The following AK9 variants were observed in gnomAD, a reference collection of about 807,000 sequenced individuals.
AK9 encodes adenylate kinase 9.
Under a neutral mutation model 239.6 loss-of-function variants are expected in AK9, and 191 were observed. That is an observed-to-expected ratio of 0.80 (90% CI 0.71 to 0.90). The LOEUF is 0.90. Ranked by LOEUF, AK9 falls within the 40% of genes least tolerant of loss-of-function variation. AK9 has a pLI of 0.00. For synonymous variants in AK9, 689 were observed against 721.0 expected, an observed-to-expected ratio of 0.96 and a Z score of 0.71; for missense variants, 1,995 against 2,214.7, an observed-to-expected ratio of 0.90 and a Z score of 1.99.
intron 29 of AK9, 111 bp downstream of exon 29, chr6:109,528,900 T>A (rs117403840): frequency 0.019 from 29,100 of 1,512,330 alleles, 784 homozygotes; most frequent in East Asian, 0.11. Context: ...GGTGGGAGGA[T>A]CCCTTGAGCC....
At chr6:109,646,854 C>G (rs1376243351) in intron 8 of AK9, among the ~76,000 whole-genome samples, 2 of 152,124 alleles carry the variant, frequency 1.3e-5, no homozygotes, top group African/African-American at 4.8e-5. Flanking sequence ...GTTGGGTTAC[C>G]CACAAAGAGA....
intron 33 of AK9, among the ~76,000 whole-genome samples, chr6:109,508,438 G>C (rs1778338554): frequency 6.6e-6 from 1 of 152,100 alleles, no homozygotes; most frequent in Admixed American, 6.5e-5. Context: ...TTCAATCTGG[G>C]TAAGTCCCGG....
At chr6:109,616,656 T>TA (rs1416182960) in intron 13 of AK9, among the ~76,000 whole-genome samples, 2 of 152,056 alleles carry the variant, frequency 1.3e-5, no homozygotes, top group African/African-American at 4.8e-5. Context: ...GGATTACAGG[T>TA]ATGAGCCACT....
intron 38 of AK9, among the ~76,000 whole-genome samples, chr6:109,496,809 G>T (rs986731366): frequency 6.6e-6 from 1 of 152,086 alleles, no homozygotes; most frequent in African/African-American, 2.4e-5. Flanking sequence ...CCAATCCATG[G>T]TCTACACTTT....
intron 17 of AK9, among the ~76,000 whole-genome samples, chr6:109,588,959 T>C (rs970583410): frequency 3.3e-5 from 5 of 152,226 alleles, no homozygotes; most frequent in Non-Finnish European, 7.3e-5. Context: ...ACCAGTACCA[T>C]GCTGTTTTGG....
At chr6:109,506,942 G>T (rs1359580268) in intron 33 of AK9, 142 bp from the exon 34 acceptor site, 4 of 1,301,668 alleles carry the variant, frequency 3.1e-6, no homozygotes, top group Non-Finnish European at 3.0e-6. Context: ...TTCACACTTT[G>T]CCCTCTTCAT....
intron 33 of AK9, among the ~76,000 whole-genome samples, chr6:109,507,154 A>G (rs994482384): frequency 2.0e-5 from 3 of 152,188 alleles, no homozygotes; most frequent in Admixed American, 2.0e-4. Flanking sequence ...CTAAACATGA[A>G]AGAGTATAGC....
In AK9 at chr6:109,509,160, T is replaced by C. The variant is rs1411625905; in HGVS notation, c.4481+19A>G. 1.3e-6 allele frequency: 2 copies of C among 1,550,006 alleles called. No individual in the cohort carries two copies. The highest frequency in any genetic ancestry group is 2.0e-5 in the Admixed American group (1 of 50,864). ...AGATTTAACTCCCTCTGTCCCATCC[T>C]CTCACCCCATTCACTTACCCTGCAG... On this transcript the variant is annotated intron_variant, in intron 33 of 40. Coordinates refer to ENST00000424296, the MANE Select transcript of AK9 (RefSeq NM_001145128.3).
intron 25 of AK9, chr6:109,549,664 C>CTTTTTTTTTTTTTTTTTTTTTTTTTTT (rs1196364045): frequency 9.0e-5 from 11 of 122,088 alleles, no homozygotes; most frequent in East Asian, 2.8e-4. Flanking sequence ...TAGATATTTT[C>CTTTTTTTTTTTTTTTTTTTTTTTTTTT]TTTTTTTTTT....
At chr6:109,671,079 G>T (rs1222066385) in intron 5 of AK9, among the ~76,000 whole-genome samples, 1 of 152,102 alleles carries the variant, frequency 6.6e-6, no homozygotes, top group African/African-American at 2.4e-5. Flanking sequence ...GAATCTTTTT[G>T]TCTATAGATA....
chr6:109,640,410 T>A (rs564573123), intron 10 of AK9, among the ~76,000 whole-genome samples: 14 of 152,274 alleles, frequency 9.2e-5, no homozygotes, highest in African/African-American at 3.4e-4. Context: ...CACCCTGCCC[T>A]GCTTCAGCTC....
rs1195825434 is a variant in AK9 at position 109,516,499 on chromosome 6, T to C, written c.3777A>G (p.Ala1259=). Residue 1259 remains alanine (A), a synonymous_variant, in exon 30 of 41, where the codon GCA becomes GCG. Coordinates refer to ENST00000424296, the MANE Select transcript of AK9 (RefSeq NM_001145128.3). ...GEEDEEQETD[A]IERLRGELGE... ...CTAGTTCACCTCTCAGGCGCTCAAT[T>C]GCATCAGTTTCCTGTTCTTCATCTT... 6.4e-7 allele frequency: 1 copy of C among 1,551,724 alleles called. No individual in the cohort carries two copies. The highest frequency in any genetic ancestry group is 8.7e-7 in the Non-Finnish European group (1 of 1,147,020).
At chr6:109,588,381 C>G (rs1583137608) in intron 17 of AK9, among the ~76,000 whole-genome samples, 1 of 152,146 alleles carries the variant, frequency 6.6e-6, no homozygotes, top group Non-Finnish European at 1.5e-5. Flanking sequence ...TTGCTGCCTT[C>G]TTGTATGTCT....
At chr6:109,578,774 T>C (rs1788446488) in intron 20 of AK9, among the ~76,000 whole-genome samples, 1 of 152,338 alleles carries the variant, frequency 6.6e-6, no homozygotes, top group African/African-American at 2.4e-5. Flanking sequence ...AATTTTTAAA[T>C]TTCCTTCTTG....
chr6:109,671,748 A>C (rs1233376132), intron 5 of AK9, among the ~76,000 whole-genome samples, 171 bp downstream of exon 5: 16 of 152,224 alleles, frequency 1.1e-4, no homozygotes, highest in Admixed American at 1.0e-3. Flanking sequence ...GTACAATCTG[A>C]GAAATAAAAA....
rs773617649 is a variant in AK9, at chr6:109,612,126, C to A, written c.1610-33G>T. 5.1e-6 allele frequency: 7 copies of A among 1,383,402 alleles called. No individual in the cohort carries two copies. The Admixed American group carries it at 1.0e-4, about 20-fold the overall frequency. 85.7% of individuals were successfully genotyped at this position (1,383,402 alleles called of 1,614,324 possible). A position where few individuals can be genotyped will look rare whatever the true frequency, so the allele number is the denominator to read the frequency against. On this transcript the variant is annotated intron_variant, in intron 15 of 40. Transcript: ENST00000424296. ...TAAAACATTGTGAATGCCTAAAGAA[C>A]GGTATTAAAAAAAATGTAGGTGATT...
In AK9 at chr6:109,652,086, T is replaced by G. The variant is rs528725268; in HGVS notation, c.759+4670A>C. Among the ~76,000 whole-genome samples, 20 of 152,182 alleles carry G rather than the reference T, an allele frequency of 1.3e-4. No homozygotes were observed. The South Asian group carries it at 1.7e-3, about 13-fold the overall frequency. The stretch of plus-strand genomic sequence containing the variant: ...AGCATCATCCTGATACCAAAGCCTG[T>G]CAGAGAAACAACAAAAAAAGAGAAT... On this transcript the variant is annotated intron_variant, in intron 8 of 40. Transcript: ENST00000424296.
chr6:109,566,655 G>A (rs1057054417), intron 21 of AK9, among the ~76,000 whole-genome samples: 3 of 152,146 alleles, frequency 2.0e-5, no homozygotes, highest in Admixed American at 2.0e-4. Context: ...CTTACAAGTG[G>A]AAGCTAAGCC....
At chr6:109,559,010 C>T (rs1247358213) in intron 24 of AK9, among the ~76,000 whole-genome samples, 1 of 151,982 alleles carries the variant, frequency 6.6e-6, no homozygotes, top group South Asian at 2.1e-4. Flanking sequence ...CACCACCACG[C>T]CCGGCTCATT....
Sources: gnomAD v4.1 joint callset for allele counts (sites outside exome capture counted in the v4.1 genomes callset) on GRCh38, gnomAD v4.1.1 for gene constraint, MANE v1.5 for transcripts, NCBI Gene and HGNC (gene_info 2026-07-23, HGNC 2026-07-21) for gene names.